The following TCF4 variants were observed in gnomAD, a reference collection of about 807,000 sequenced individuals.
The protein encoded by TCF4 is SL3-3 enhancer factor 2.
A neutral mutation model predicts 82.1 loss-of-function variants in TCF4; 3 were observed. The observed-to-expected ratio is 0.04, with a 90% confidence interval of 0.02 to 0.09. The LOEUF (loss-of-function observed/expected upper bound fraction) is 0.09. Ranked by LOEUF, TCF4 falls within the 10% of genes least tolerant of loss-of-function variation. The pLI, the probability that TCF4 is intolerant of heterozygous loss-of-function variation, is 1.00. For synonymous variants in TCF4, 276 were observed against 309.6 expected (o/e 0.89, Z 1.14); for missense variants, 518 against 852.7 (o/e 0.61, Z 4.89).
At chr18:55,469,338 C>A (rs2096120862) in intron 3 of TCF4, among the ~76,000 whole-genome samples, 1 of 152,076 alleles carries the variant, frequency 6.6e-6, no homozygotes, top group African/African-American at 2.4e-5. Context: ...GTGGTGGACG[C>A]CTGTAATCCC....
At chr18:55,265,136 A>T (rs1158976562) in intron 11 of TCF4, 3 of 152,208 alleles carry the variant, frequency 2.0e-5, no homozygotes, top group African/African-American at 7.2e-5. Flanking sequence ...AACTACTAAA[A>T]ATCAGAATTT....
chr18:55,299,240 A>C (rs2067373440), intron 8 of TCF4, among the ~76,000 whole-genome samples: 2 of 151,958 alleles, frequency 1.3e-5, no homozygotes, highest in Admixed American at 6.6e-5. Context: ...GTGAAACCTC[A>C]TCTCTACTAA....
chr18:55,517,482 A>ATAT (rs1258128470), intron 3 of TCF4, among the ~76,000 whole-genome samples: 1 of 152,152 alleles, frequency 6.6e-6, no homozygotes, highest in African/African-American at 2.4e-5. Flanking sequence ...CAGGTAAACT[A>ATAT]CATACAGATT....
intron 2 of TCF4, among the ~76,000 whole-genome samples, chr18:55,615,608 G>A (rs894616663): frequency 6.6e-6 from 1 of 152,034 alleles, no homozygotes. Flanking sequence ...CCTGATTTTA[G>A]AGGGAAAGCA....
chr18:55,552,981 A>G (rs1032934975), intron 3 of TCF4, among the ~76,000 whole-genome samples: 1 of 152,212 alleles, frequency 6.6e-6, no homozygotes, highest in African/African-American at 2.4e-5. Flanking sequence ...ACTTGCGTAC[A>G]TTATAGGAAG....
At chr18:55,260,056 ACCCTCATTCATT>A in intron 12 of TCF4, 29 bp from the exon 13 acceptor site, 1 of 1,386,462 alleles carries the variant, frequency 7.2e-7, no homozygotes, top group Non-Finnish European at 1.0e-6. Flanking sequence ...AAAAAAAAAC[ACCCTCATTCATT>A]AAAATAATTC....
Position 55,227,650 on chromosome 18 carries a change from T to A in TCF4, c.*385A>T, listed in dbSNP as rs1344165550. On this transcript the variant is annotated 3_prime_UTR_variant, in exon 20 of 20. Transcript: ENST00000354452. ...TTACAATTTTTTTTAAATTAAATAT[T>A]TTTTTTTCAGACTTACAAATTAATT... 3 of 152,200 alleles carry A rather than the reference T, an allele frequency of 2.0e-5. No individual in the cohort carries two copies. The highest frequency in any genetic ancestry group is 2.4e-5 in the African/African-American group (1 of 41,378). The allele number at this position is 152,200 out of a possible 1,614,324, so 9.4% of individuals were successfully genotyped here. A position where few individuals can be genotyped will look rare whatever the true frequency, so the allele number is the denominator to read the frequency against.
rs1018584920 is a variant in TCF4 at position 55,388,543 on chromosome 18, T to C, written c.369+14911A>G. The stretch of plus-strand genomic sequence containing the variant: ...TATCCTCTTTAGAAATGCACATTTT[T>C]TCTCATTGGCAGACAGAGGTCTCAG... On this transcript the variant is annotated intron_variant, in intron 6 of 19. Coordinates refer to ENST00000354452, the MANE Select transcript of TCF4 (RefSeq NM_001083962.2). Among the ~76,000 whole-genome samples the C allele has an allele frequency of 2.6e-5, 4 of 152,234 alleles. No homozygotes were observed. In the East Asian group the frequency reaches 7.7e-4, roughly 29 times the overall value.
chr18:55,342,915 T>C (rs928131452), intron 8 of TCF4, among the ~76,000 whole-genome samples: 7 of 152,114 alleles, frequency 4.6e-5, no homozygotes, highest in Non-Finnish European at 1.0e-4. Context: ...TATAATGATA[T>C]ACTGTGCCAA....
At chr18:55,580,888 G>A (rs1002492963) in intron 3 of TCF4, among the ~76,000 whole-genome samples, 8 of 151,796 alleles carry the variant, frequency 5.3e-5, no homozygotes, top group African/African-American at 1.7e-4. Flanking sequence ...CCTCAGCTAT[G>A]AATACAGGAT....
chr18:55,231,695 T>C (rs1435769430), intron 17 of TCF4: 1 of 152,236 alleles, frequency 6.6e-6, no homozygotes, highest in African/African-American at 2.4e-5. Context: ...TTTTTAAACT[T>C]GTGGCAAGAC....
intron 8 of TCF4, among the ~76,000 whole-genome samples, chr18:55,324,857 T>C (rs1383771722): frequency 6.6e-6 from 1 of 152,178 alleles, no homozygotes; most frequent in Non-Finnish European, 1.5e-5. Context: ...AAAAAATTCT[T>C]ACCAGCAAAC....
intron 3 of TCF4, among the ~76,000 whole-genome samples, chr18:55,554,726 C>T (rs1405618852): frequency 6.6e-6 from 1 of 152,162 alleles, no homozygotes. Context: ...CATGCAGTGG[C>T]CCTGGCATCA....
In TCF4 at chr18:55,447,259, C is replaced by T. The variant is rs146953613; in HGVS notation, c.304+13760G>A. ...GAAGTTTGAAGCTGCAGTAAGCACC[C>T]CTGCACTCCAGCCTGAAGGACGGGG... On this transcript the variant is annotated intron_variant, in intron 5 of 19. Coordinates refer to ENST00000354452, the MANE Select transcript of TCF4 (RefSeq NM_001083962.2). Among the ~76,000 whole-genome samples, 10 of 151,504 alleles carry T rather than the reference C, an allele frequency of 6.6e-5. No homozygotes were observed. The East Asian group carries it at 2.0e-3, about 30-fold the overall frequency.
At chr18:55,365,183 A>ATATGTGTGTGTGTGTGTGTG (rs2086586540) in intron 6 of TCF4, among the ~76,000 whole-genome samples, 3 of 106,856 alleles carry the variant, frequency 2.8e-5, no homozygotes, top group African/African-American at 1.1e-4. Flanking sequence ...ATATATATAT[A>ATATGTGTGTGTGTGTGTGTG]TATATATATG....
chr18:55,450,106 G>T (rs942484808), intron 5 of TCF4, among the ~76,000 whole-genome samples: 2 of 152,280 alleles, frequency 1.3e-5, no homozygotes, highest in Non-Finnish European at 2.9e-5. Context: ...AAAGAAACTT[G>T]CCCAAGGTCA....
chr18:55,377,781 C>G (rs2091101939), intron 6 of TCF4, among the ~76,000 whole-genome samples: 1 of 152,164 alleles, frequency 6.6e-6, no homozygotes, highest in Non-Finnish European at 1.5e-5. Context: ...ATGCTGTTAC[C>G]ATTTGAAATC....
At chr18:55,622,051 A>T (rs942096171) in intron 2 of TCF4, among the ~76,000 whole-genome samples, 21 of 136,522 alleles carry the variant, frequency 1.5e-4, no homozygotes, top group Non-Finnish European at 2.6e-4. Context: ...ACTATATATA[A>T]TATATATACA....
chr18:55,359,813 A>C (rs527958304), intron 6 of TCF4, among the ~76,000 whole-genome samples: 1 of 152,316 alleles, frequency 6.6e-6, no homozygotes, highest in Non-Finnish European at 1.5e-5. Context: ...TTACACTCTC[A>C]GTCCTTTAAA....
Sources: gnomAD v4.1 joint callset for allele counts (sites outside exome capture counted in the v4.1 genomes callset) on GRCh38, gnomAD v4.1.1 for gene constraint, MANE v1.5 for transcripts, NCBI Gene and HGNC (gene_info 2026-07-23, HGNC 2026-07-21) for gene names.